The following TNC variants were observed in gnomAD, a reference collection of about 807,000 sequenced individuals.
TNC encodes tenascin.
A neutral mutation model predicts 202.4 loss-of-function variants in TNC; 109 were observed. That is an observed-to-expected ratio of 0.54 (90% CI 0.46 to 0.63). The LOEUF is 0.63. Among genes scored for constraint, TNC ranks in the 30% least tolerant of loss-of-function variants. The pLI, the probability that TNC is intolerant of heterozygous loss-of-function variation, is 0.00. For missense variants in TNC, 2,756 were observed against 2,833.3 expected (o/e 0.97, Z 0.62); for synonymous variants, 1,007 against 1,089.7 (o/e 0.92, Z 1.50).
chr9:115,027,295 A>C (rs1587991965), intron 25 of TNC, among the ~76,000 whole-genome samples: 1 of 151,920 alleles, frequency 6.6e-6, no homozygotes, highest in Admixed American at 6.6e-5. Flanking sequence ...TTTAAACTCT[A>C]AAGTGCCTTA....
rs2131648755 is a variant in TNC at position 115,030,339 on chromosome 9, C to G, written c.5987G>C (p.Gly1996Ala). 1.9e-6 allele frequency: 3 copies of G among 1,613,376 alleles called. No individual in the cohort carries two copies. Among genetic ancestry groups the G allele is most frequent in the Non-Finnish European group, 2.5e-6 (3 of 1,179,640 alleles). The change falls in exon 24 of 28, where the codon GGC becomes GCC. Residue 1996 changes from glycine to alanine, a missense_variant. By Grantham distance (60) the Gly-to-Ala change is moderately conservative (BLOSUM62 0). Around this residue, in one of 2 missense-constraint regions of TNC, gnomAD observed 197 missense variants for 287.3 expected, o/e 0.69. Transcript: ENST00000350763. Reference sequence around the variant, plus strand: ...ACCATTCAGATAAATGGTGTAGAGGCCAGAGGTCGTGTCTCCATTCAGCAT... The same window carrying G: ...ACCATTCAGATAAATGGTGTAGAGGGCAGAGGTCGTGTCTCCATTCAGCAT... ...QAMLNGDTTS[G>A]LYTIYLNGDK... is the part of the protein sequence containing the mutation.
chr9:115,091,194 T>A (rs1448081277), intron 1 of TNC, 40 bp from the exon 2 acceptor site: 2 of 590,876 alleles, frequency 3.4e-6, no homozygotes, highest in African/African-American at 3.7e-5. Flanking sequence ...GAGTATCTAC[T>A]ATTGAATATA....
At chr9:115,075,985 C>G in intron 9 of TNC, 47 bp downstream of exon 9, 2 of 1,543,938 alleles carry the variant, frequency 1.3e-6, no homozygotes, top group Non-Finnish European at 1.8e-6. Flanking sequence ...TCTGTCTCAT[C>G]TGCCCAGCAC....
At chr9:115,087,715 T>C (rs866398749) in intron 2 of TNC, among the ~76,000 whole-genome samples, 1 of 149,192 alleles carries the variant, frequency 6.7e-6, no homozygotes, top group South Asian at 2.1e-4. Flanking sequence ...TTTTTTTTTT[T>C]TTTTGAGACA....
intron 23 of TNC, 122 bp downstream of exon 23, chr9:115,031,431 A>G: frequency 9.0e-7 from 1 of 1,116,530 alleles, no homozygotes; most frequent in Non-Finnish European, 1.2e-6. Flanking sequence ...AAGTAGTAGC[A>G]GTGAATCGAT....
chr9:115,061,126 T>C (rs952284779), intron 13 of TNC, among the ~76,000 whole-genome samples: 1 of 152,184 alleles, frequency 6.6e-6, no homozygotes, highest in African/African-American at 2.4e-5. Flanking sequence ...GGCCATGGGT[T>C]AGAAGTTAGG....
At chr9:115,114,067 C>T (rs1186725956) in intron 1 of TNC, among the ~76,000 whole-genome samples, 1 of 152,224 alleles carries the variant, frequency 6.6e-6, no homozygotes, top group Admixed American at 6.5e-5. Context: ...AGTTCACCAT[C>T]TCTGTCTTTT....
Position 115,090,593 on chromosome 9 carries a change from T to C in TNC, c.426A>G (p.Ala142=). The change falls in exon 2 of 28, where the codon GCA becomes GCG. Residue 142 remains alanine, a synonymous_variant. Coordinates refer to ENST00000350763, the MANE Select transcript of TNC (RefSeq NM_002160.4). ...LVSSLREQCT[A]GAGCCLQPAT... is the part of the protein sequence containing the mutation. ...CAGGCTGGAGACAGCAGCCTGCTCC[T>C]GCAGTACATTGCTCCCTCAGGGAAG... The C allele has an allele frequency of 6.3e-7, 1 of 1,590,600 alleles. No individual in the cohort carries two copies. The highest frequency in any genetic ancestry group is 8.6e-7 in the Non-Finnish European group (1 of 1,167,264).
chr9:115,090,398 C>T lies in TNC; in HGVS notation c.457+164G>A, dbSNP rs148310519. Among the ~76,000 whole-genome samples, 59 of 152,346 alleles carry T rather than the reference C, an allele frequency of 3.9e-4. 1 individual carries two copies. The East Asian group carries it at 0.01, about 27-fold the overall frequency. Reference sequence around the variant, plus strand: ...ACTCCTCCAAGCAGGAGAGAGATGGCTGCAGTCTCCACACTTATTTGAACA... The same window carrying T: ...ACTCCTCCAAGCAGGAGAGAGATGGTTGCAGTCTCCACACTTATTTGAACA... On this transcript the variant is annotated intron_variant, in intron 2 of 27. Coordinates refer to ENST00000350763, the MANE Select transcript of TNC (RefSeq NM_002160.4).
intron 1 of TNC, among the ~76,000 whole-genome samples, chr9:115,110,170 TA>T (rs1836931924): frequency 6.6e-6 from 1 of 152,062 alleles, no homozygotes; most frequent in Non-Finnish European, 1.5e-5. Flanking sequence ...GTGAAAAACA[TA>T]AAAAAGGATA....
intron 17 of TNC, among the ~76,000 whole-genome samples, chr9:115,044,384 GACACACACACACAC>G (rs113847516): frequency 6.8e-6 from 1 of 147,108 alleles, no homozygotes; most frequent in Non-Finnish European, 1.5e-5. Flanking sequence ...CAGGCATGTA[GACACACACACACAC>G]ACACACACAC....
At chr9:115,097,923 A>T (rs1005678490) in intron 1 of TNC, among the ~76,000 whole-genome samples, 1 of 152,220 alleles carries the variant, frequency 6.6e-6, no homozygotes, top group Non-Finnish European at 1.5e-5. Context: ...TCAGTAAGCA[A>T]TATGGCACCT....
intron 10 of TNC, among the ~76,000 whole-genome samples, chr9:115,066,751 G>T (rs1832986701): frequency 1.3e-5 from 2 of 152,278 alleles, no homozygotes; most frequent in Middle Eastern, 3.4e-3. Flanking sequence ...ATTATTTCAT[G>T]GTGCATGCAA....
chr9:115,084,992 G>T lies in TNC; in HGVS notation c.1868-520C>A, dbSNP rs570938485. On this transcript the variant is annotated intron_variant, in intron 3 of 27. Transcript: ENST00000350763. Reference sequence around the variant, plus strand: ...TTTCCAACCAGGCTTCCCTGCTTGCGCCACATTGAACACAAAGCCATTTAT... The same window carrying T: ...TTTCCAACCAGGCTTCCCTGCTTGCTCCACATTGAACACAAAGCCATTTAT... Among the ~76,000 whole-genome samples, 5 of 152,128 alleles carry T rather than the reference G, an allele frequency of 3.3e-5. No individual in the cohort carries two copies. The South Asian group carries it at 8.3e-4, about 25-fold the overall frequency.
chr9:115,053,771 C>T (rs1253882861), intron 15 of TNC, among the ~76,000 whole-genome samples: 4 of 152,090 alleles, frequency 2.6e-5, no homozygotes, highest in Admixed American at 6.6e-5. Context: ...CTATATTTTA[C>T]CATTTAATAC....
At position 115,064,019 on chromosome 9, in the gene TNC, A is replaced by T; in HGVS notation, c.3537T>A (p.Asp1179Glu). Residue 1179 changes from aspartate (D) to glutamate (E), a missense_variant, in exon 12 of 28, where the codon GAT becomes GAA. This residue lies in a region of TNC where 2,559 missense variants were observed against 2,546.0 expected (regional missense o/e 1.01). Transcript: ENST00000350763. ...GAGCAGTCCAGTTGAGTTTGAGGGC[A>T]TCCCAGCCCACCTCGGCCACCACGA... The part of the protein sequence containing the change: ...GEVVVAEVGW[D>E]ALKLNWTAPE... The T allele has an allele frequency of 1.2e-6, 2 of 1,613,750 alleles. No homozygotes were observed. Among genetic ancestry groups the T allele is most frequent in the Admixed American group, 1.7e-5 (1 of 59,972 alleles).
At chr9:115,046,287 GAA>G in intron 17 of TNC, 121 bp downstream of exon 17, 1 of 1,151,762 alleles carries the variant, frequency 8.7e-7, no homozygotes, top group South Asian at 1.5e-5. Context: ...GTCTGTAATT[GAA>G]AGAGTCAGGA....
At chr9:115,078,888 G>A (rs1205726383) in intron 6 of TNC, among the ~76,000 whole-genome samples, 1 of 152,156 alleles carries the variant, frequency 6.6e-6, no homozygotes, top group South Asian at 2.1e-4. Flanking sequence ...TGTACATGCT[G>A]TTCTCTCATT....
At position 115,107,392 on chromosome 9, in the gene TNC, A is replaced by G. The variant is rs16932230; in HGVS notation, c.-137+10590T>C. Among the ~76,000 whole-genome samples the G allele has an allele frequency of 5.5e-3, 835 of 152,322 alleles. 21 individuals carry two copies. In the East Asian group the frequency reaches 0.07, roughly 13 times the overall value. ...CTATGGTTTGCTAACCTCTGCTGGA[A>G]TATAGTAGTTATTCAATAAATGACA... On this transcript the variant is annotated intron_variant, in intron 1 of 27. Coordinates refer to ENST00000350763, the MANE Select transcript of TNC (RefSeq NM_002160.4).
Sources: allele counts gnomAD v4.1 joint callset (sites outside exome capture counted in the v4.1 genomes callset), GRCh38; gene constraint gnomAD v4.1.1; regional missense constraint gnomAD v4.1.1; transcripts MANE v1.5; gene names NCBI Gene and HGNC (gene_info 2026-07-23, HGNC 2026-07-21).